Variants in SFTPD observed in about 807,000 individuals in gnomAD.
SFTPD encodes pulmonary surfactant-associated protein D.
Under a neutral mutation model 34.6 loss-of-function variants are expected in SFTPD, and 18 were observed. The observed-to-expected ratio is 0.52, with a 90% CI of 0.36 to 0.77. The LOEUF (loss-of-function observed/expected upper bound fraction) is 0.77. Ranked by LOEUF, SFTPD falls within the 30% of genes least tolerant of loss-of-function variation. The pLI is 0.00. For missense variants in SFTPD, 433 were observed against 468.9 expected (o/e 0.92, Z 0.71); for synonymous variants, 155 against 180.9 (o/e 0.86, Z 1.15).
chr10:79,974,461 T>G (rs116123867), intron 1 of SFTPD, among the ~76,000 whole-genome samples: 2,887 of 152,218 alleles, frequency 0.019, 98 homozygotes, highest in African/African-American at 0.066. Flanking sequence ...CCCCAGATAT[T>G]TTTTATATGC....
chr10:79,963,396 A>G (rs145432196), intron 1 of SFTPD, among the ~76,000 whole-genome samples: 7 of 152,038 alleles, frequency 4.6e-5, no homozygotes, highest in African/African-American at 1.4e-4. Context: ...TGGAAGGTAT[A>G]TGCATTTTCA....
intron 7 of SFTPD, among the ~76,000 whole-genome samples, chr10:79,938,741 G>C (rs560993708): frequency 1.7e-4 from 26 of 152,286 alleles, no homozygotes; most frequent in South Asian, 6.2e-4. Flanking sequence ...GGTCTGTGCT[G>C]TGTGATGGGG....
chr10:79,937,812 A>C lies in SFTPD; in HGVS notation c.*40T>G, dbSNP rs757651524. ...GGGTCTAAGCCTTGACTTCTGGCCA[A>C]ACTCCTGGGCCAAGCACTGCCCCAC... is the stretch of plus-strand genomic sequence containing the variant. On this transcript the variant is annotated 3_prime_UTR_variant, in exon 8 of 8. Coordinates refer to ENST00000372292, the MANE Select transcript of SFTPD (RefSeq NM_003019.5). 2 of 1,507,868 alleles carry C rather than the reference A, an allele frequency of 1.3e-6. No homozygotes were observed. The highest frequency in any genetic ancestry group is 8.9e-7 in the Non-Finnish European group (1 of 1,126,452). The allele number at this position is 1,507,868 out of a possible 1,614,324, so 93.4% of individuals were successfully genotyped here.
intron 1 of SFTPD, among the ~76,000 whole-genome samples, chr10:79,965,084 T>C (rs1281867560): frequency 2.0e-5 from 3 of 152,172 alleles, no homozygotes; most frequent in Admixed American, 1.3e-4. Flanking sequence ...AATGGACTAA[T>C]GGTCTTTTAA....
Position 79,960,561 on chromosome 10 carries a change from T to G in SFTPD, c.37-13899A>C, listed in dbSNP as rs1397433861. 4.5e-4 allele frequency among the ~76,000 whole-genome samples: 67 copies of G among 149,564 alleles called. 1 individual carries two copies. In the Middle Eastern group the frequency reaches 0.017, roughly 38 times the overall value. ...CCATTCACAATTGCTTCAAAGAGAA[T>G]AAAATACCTAGGAATCCAACTTACA... is the stretch of plus-strand genomic sequence containing the variant. On this transcript the variant is annotated intron_variant, in intron 1 of 5. Transcript: ENST00000444384.
intron 1 of SFTPD, chr10:79,971,741 A>G (rs1431242534): frequency 6.6e-6 from 1 of 152,044 alleles, no homozygotes; most frequent in African/African-American, 2.4e-5. Context: ...ATGTGACTTT[A>G]TGCTTTTCTC....
chr10:79,971,762 T>C (rs1395305343), intron 1 of SFTPD: 1 of 152,234 alleles, frequency 6.6e-6, no homozygotes, highest in Non-Finnish European at 1.5e-5. Flanking sequence ...TTGCTGTTTT[T>C]AGATTCCCTC....
At chr10:79,959,758 C>G (rs1842761571) in intron 1 of SFTPD, among the ~76,000 whole-genome samples, 3 of 152,142 alleles carry the variant, frequency 2.0e-5, no homozygotes, top group Admixed American at 2.0e-4. Flanking sequence ...CTATTCCAAT[C>G]AATAGAAAAA....
intron 1 of SFTPD, among the ~76,000 whole-genome samples, chr10:79,966,305 G>A (rs1842802888): frequency 2.3e-5 from 1 of 43,020 alleles, no homozygotes; most frequent in Non-Finnish European, 4.0e-5. Context: ...TCTCATAGTG[G>A]TTTTGATTTG....
chr10:79,970,631 T>C (rs902140187), intron 1 of SFTPD: 1 of 152,170 alleles, frequency 6.6e-6, no homozygotes, highest in African/African-American at 2.4e-5. Flanking sequence ...TTTGTAGCTA[T>C]TGAAATAGGA....
intron 1 of SFTPD, chr10:79,970,503 C>G (rs562084918): frequency 6.6e-6 from 1 of 152,190 alleles, no homozygotes; most frequent in South Asian, 2.1e-4. Context: ...AAACTGTGAA[C>G]ATGGGATATC....
intron 1 of SFTPD, among the ~76,000 whole-genome samples, chr10:79,954,955 A>G (rs1004239986): frequency 1.3e-5 from 2 of 152,154 alleles, no homozygotes; most frequent in Non-Finnish European, 2.9e-5. Flanking sequence ...ATGCTAAACC[A>G]TCACAGCTAT....
intron 1 of SFTPD, among the ~76,000 whole-genome samples, chr10:79,960,668 A>G (rs1842766854): frequency 6.6e-6 from 1 of 151,954 alleles, no homozygotes; most frequent in Non-Finnish European, 1.5e-5. Context: ...ATGGAAGAAC[A>G]TTCCATGCTC....
intron 7 of SFTPD, 149 bp downstream of exon 7, chr10:79,940,556 G>A: frequency 3.4e-6 from 2 of 590,090 alleles, no homozygotes; most frequent in South Asian, 2.1e-5. Context: ...CCCTACACAG[G>A]TCCCAGCTCA....
Position 79,938,025 on chromosome 10 carries a change from T to C in SFTPD, c.955A>G (p.Lys319Glu), listed in dbSNP as rs1291815696. ...GGGTAGGTGAACTTGCCCTCTGTCT[T>C]GGAATCAGTCATGCTCAGGAAAGCA... ...EAAFLSMTDS[K>E]TEGKFTYPTG... Residue 319 changes from lysine to glutamate, a missense_variant, in exon 8 of 8, where the codon AAG becomes GAG. Physicochemically the swap from Lys to Glu is moderately conservative, Grantham distance 56. Transcript: ENST00000372292. 2 of 1,613,922 alleles carry C rather than the reference T, an allele frequency of 1.2e-6. No homozygotes were observed. Among genetic ancestry groups the C allele is most frequent in the Admixed American group, 3.3e-5 (2 of 59,996 alleles).
chr10:79,961,284 G>A (rs77970547), intron 1 of SFTPD, among the ~76,000 whole-genome samples: 22,212 of 151,920 alleles, frequency 0.15, 2,043 homozygotes, highest in East Asian at 0.41. Flanking sequence ...ACAAAAGCCA[G>A]AATTGACAAA....
chr10:79,958,979 G>T (rs1842756223), intron 1 of SFTPD, among the ~76,000 whole-genome samples: 1 of 152,126 alleles, frequency 6.6e-6, no homozygotes, highest in Admixed American at 6.5e-5. Context: ...TAGAACTCAG[G>T]ACTAAGAAAC....
intron 1 of SFTPD, among the ~76,000 whole-genome samples, chr10:79,977,185 G>T (rs1390759899): frequency 6.6e-6 from 1 of 152,214 alleles, no homozygotes; most frequent in Non-Finnish European, 1.5e-5. Flanking sequence ...ACTCAGCTTA[G>T]TTCCTGGCTG....
At chr10:79,960,973 G>T (rs1842768929) in intron 1 of SFTPD, among the ~76,000 whole-genome samples, 1 of 152,150 alleles carries the variant, frequency 6.6e-6, no homozygotes, top group African/African-American at 2.4e-5. Flanking sequence ...ACAGAACAGA[G>T]CCCTCAGAAA....
Sources: allele counts gnomAD v4.1 joint callset (sites outside exome capture counted in the v4.1 genomes callset), GRCh38; gene constraint gnomAD v4.1.1; transcripts MANE v1.5; gene names NCBI Gene and HGNC (gene_info 2026-07-23, HGNC 2026-07-21).